WSCD2: variants seen among roughly 807,000 people sequenced by gnomAD.
The protein encoded by WSCD2 is sialate:O-sulfotransferase 2.
A neutral mutation model predicts 55.7 loss-of-function variants in WSCD2; 28 were observed. The ratio of observed to expected loss-of-function variants is 0.50; its 90% CI spans 0.37 to 0.69. The LOEUF (loss-of-function observed/expected upper bound fraction) is 0.69. WSCD2 is among the 30% of genes least tolerant of loss of function. The pLI is 0.00. For synonymous variants in WSCD2, 301 were observed against 301.9 expected, an observed-to-expected ratio of 1.00 and a Z score of 0.03; for missense variants, 616 against 762.1, an observed-to-expected ratio of 0.81 and a Z score of 2.26.
Position 108,240,659 on chromosome 12 carries a change from G to T in WSCD2, c.1345+115G>T, listed in dbSNP as rs1006566174. 1.0e-5 allele frequency: 13 copies of T among 1,246,240 alleles called. No individual in the cohort carries two copies. The African/African-American group carries it at 1.9e-4, about 19-fold the overall frequency. The allele number at this position is 1,246,240 out of a possible 1,614,324, so 77.2% of individuals were successfully genotyped here. On this transcript the variant is annotated intron_variant, in intron 8 of 8. Transcript: ENST00000547525. ...CAGCAGGAGGCAATGCCTCATGCGA[G>T]GAACCCTGGAGGACATCCTGGAGGG...
At chr12:108,206,441 C>T (rs1242525048) in intron 3 of WSCD2, 38 bp downstream of exon 3, 1 of 1,594,354 alleles carries the variant, frequency 6.3e-7, no homozygotes, top group Non-Finnish European at 8.6e-7. Context: ...CATTTCAGGC[C>T]CTTCCTTCTC....
chr12:108,154,898 A>G (rs76432231), intron 1 of WSCD2, among the ~76,000 whole-genome samples: 5,370 of 152,284 alleles, frequency 0.035, 322 homozygotes, highest in African/African-American at 0.12. Context: ...AACTATTCCC[A>G]TTAAAATAAT....
intron 1 of WSCD2, among the ~76,000 whole-genome samples, chr12:108,179,303 C>G (rs1881349717): frequency 2.6e-5 from 4 of 152,152 alleles, no homozygotes; most frequent in Admixed American, 6.5e-5. Context: ...TTTTAACAAG[C>G]CCCCCAAAGG....
intron 1 of WSCD2, among the ~76,000 whole-genome samples, chr12:108,177,282 C>T (rs922346859): frequency 3.3e-5 from 5 of 151,948 alleles, no homozygotes; most frequent in African/African-American, 7.3e-5. Context: ...GACTGGTGTG[C>T]GAGTTAGATG....
chr12:108,168,058 CCTCT>C (rs1198739854), intron 1 of WSCD2, among the ~76,000 whole-genome samples: 1 of 152,072 alleles, frequency 6.6e-6, no homozygotes, highest in African/African-American at 2.4e-5. Flanking sequence ...ATTGAAGGAG[CCTCT>C]CTCTCTCTTT....
intron 1 of WSCD2, among the ~76,000 whole-genome samples, chr12:108,133,025 G>C (rs1232383013): frequency 2.0e-5 from 3 of 152,160 alleles, no homozygotes; most frequent in Non-Finnish European, 2.9e-5. Flanking sequence ...ATCCGTGAAT[G>C]TTAGCATGTG....
chr12:108,224,326 C>T (rs1353669277), intron 4 of WSCD2, among the ~76,000 whole-genome samples: 1 of 152,146 alleles, frequency 6.6e-6, no homozygotes, highest in African/African-American at 2.4e-5. Context: ...AGAATCCTTG[C>T]TTCCCTCAGT....
In WSCD2 at chr12:108,131,569, G is replaced by A. The variant is rs117305253; in HGVS notation, c.-552+1643G>A. On this transcript the variant is annotated intron_variant, in intron 1 of 8. Transcript: ENST00000547525. ...GGTGCTGAGTGTAGAGTTTAGCAAA[G>A]AGTGAAGCTCAACGGTGCCAAGGCT... Among the ~76,000 whole-genome samples the A allele has an allele frequency of 1.2e-4, 18 of 152,336 alleles. No individual in the cohort carries two copies. The East Asian group carries it at 3.5e-3, about 29-fold the overall frequency.
intron 3 of WSCD2, among the ~76,000 whole-genome samples, chr12:108,208,602 A>G (rs1885726762): frequency 6.6e-6 from 1 of 152,150 alleles, no homozygotes; most frequent in Admixed American, 6.5e-5. Context: ...ACACTGAAAC[A>G]CTCAGGGTGC....
chr12:108,196,256 A>G, intron 2 of WSCD2, 42 bp downstream of exon 2: 3 of 1,556,772 alleles, frequency 1.9e-6, no homozygotes, highest in Non-Finnish European at 2.6e-6. Context: ...GCTGGGGAGA[A>G]GGGAGGAGAT....
chr12:108,240,314 G>A, intron 7 of WSCD2, 30 bp from the exon 8 acceptor site: 1 of 1,612,928 alleles, frequency 6.2e-7, no homozygotes, highest in East Asian at 2.2e-5. Context: ...CAGCTCACCA[G>A]TCCTGTTCCT....
At chr12:108,218,376 C>A (rs1038325806) in intron 4 of WSCD2, among the ~76,000 whole-genome samples, 8 of 152,212 alleles carry the variant, frequency 5.3e-5, no homozygotes, top group African/African-American at 9.6e-5. Context: ...ATGGCTCATC[C>A]TGAGCCTGTC....
chr12:108,131,447 C>T (rs1249665235), intron 1 of WSCD2, among the ~76,000 whole-genome samples: 1 of 152,246 alleles, frequency 6.6e-6, no homozygotes, highest in Non-Finnish European at 1.5e-5. Flanking sequence ...TGACCAGTGA[C>T]TTCCCTCTCC....
At chr12:108,159,649 C>T (rs951831291) in intron 1 of WSCD2, among the ~76,000 whole-genome samples, 3 of 152,224 alleles carry the variant, frequency 2.0e-5, no homozygotes, top group Non-Finnish European at 4.4e-5. Flanking sequence ...GAAATCCCCA[C>T]TCCAACTGCT....
At chr12:108,178,159 C>T (rs1214835531) in intron 1 of WSCD2, among the ~76,000 whole-genome samples, 1 of 152,120 alleles carries the variant, frequency 6.6e-6, no homozygotes, top group Non-Finnish European at 1.5e-5. Flanking sequence ...GTTGGTTCCT[C>T]CGAGGTGTGT....
chr12:108,137,485 A>C (rs1195151413), intron 1 of WSCD2, among the ~76,000 whole-genome samples: 1 of 152,230 alleles, frequency 6.6e-6, no homozygotes, highest in Non-Finnish European at 1.5e-5. Context: ...AGAATGGTAG[A>C]GAGTGCACAG....
chr12:108,202,852 A>G (rs1036507193), intron 2 of WSCD2, among the ~76,000 whole-genome samples: 5 of 152,218 alleles, frequency 3.3e-5, no homozygotes, highest in Non-Finnish European at 7.3e-5. Context: ...TGCACTTAAA[A>G]TAAAGCTTAA....
chr12:108,152,060 C>T, intron 1 of WSCD2, among the ~76,000 whole-genome samples: 1 of 152,194 alleles, frequency 6.6e-6, no homozygotes, highest in East Asian at 1.9e-4. Flanking sequence ...GCTGCAGTTG[C>T]TCTCACAATG....
At chr12:108,223,353 T>A (rs1390481926) in intron 4 of WSCD2, among the ~76,000 whole-genome samples, 3 of 152,230 alleles carry the variant, frequency 2.0e-5, no homozygotes, top group Non-Finnish European at 4.4e-5. Flanking sequence ...AAAATTGATA[T>A]TTTATAACCT....
Sources: allele counts gnomAD v4.1 joint callset (sites outside exome capture counted in the v4.1 genomes callset), GRCh38; gene constraint gnomAD v4.1.1; transcripts MANE v1.5; gene names NCBI Gene and HGNC (gene_info 2026-07-23, HGNC 2026-07-21).